Variants in RGS14 observed in about 807,000 individuals in gnomAD.
The protein encoded by RGS14 is regulator of G protein signaling 14.
RGS14 carries 33 observed loss-of-function variants against 63.8 expected under a neutral mutation model. That is an observed-to-expected ratio of 0.52 (90% confidence interval 0.39 to 0.69). The LOEUF (loss-of-function observed/expected upper bound fraction) is 0.69, where lower values mean the gene tolerates loss of function less well. Among genes scored for constraint, RGS14 ranks in the 30% least tolerant of loss-of-function variants. RGS14 has a pLI of 0.00. For missense variants in RGS14, 739 were observed against 742.9 expected (o/e 0.99, Z 0.06); for synonymous variants, 296 against 320.9 (o/e 0.92, Z 0.83).
chr5:177,366,435 G>T, intron 3 of RGS14, 80 bp downstream of exon 3: 1 of 1,301,088 alleles, frequency 7.7e-7, no homozygotes, highest in Non-Finnish European at 1.0e-6. Context: ...GGCCAGAGTG[G>T]GGTCCTCTGT....
chr5:177,372,061 GA>G lies in RGS14; in HGVS notation c.1688del (p.Asp563AlafsTer59), dbSNP rs763358647. 4 of 1,613,914 alleles carry G rather than the reference GA, an allele frequency of 2.5e-6. No individual in the cohort carries two copies. In the East Asian group the frequency reaches 8.9e-5, roughly 36 times the overall value. On this transcript the variant is annotated frameshift_variant, in exon 15 of 15. Coordinates refer to ENST00000408923, the MANE Select transcript of RGS14 (RefSeq NM_006480.5). LOFTEE classifies it high-confidence loss of function. ...CGGGGGATCCTTGAACTCCACCACC[GA>G]CTCAGCCCTCTGACAGCTACCCAAC... Reference protein sequence around the residue: ...PIGGSLNSTTDSAL With the variant: ...PIGGSLNSTTXSAL
intron 3 of RGS14, 37 bp downstream of exon 3, chr5:177,366,392 G>A (rs1412839792): frequency 6.7e-7 from 1 of 1,502,394 alleles, no homozygotes; most frequent in Non-Finnish European, 8.9e-7. Flanking sequence ...GGGGGACACG[G>A]GAGAGGGCAG....
At chr5:177,367,183 C>A in intron 5 of RGS14, 149 bp downstream of exon 5, 2 of 1,203,578 alleles carry the variant, frequency 1.7e-6, no homozygotes, top group Non-Finnish European at 1.1e-6. Flanking sequence ...CAGGGCGGAG[C>A]TCAGAGGGCG....
Position 177,367,832 on chromosome 5 carries a change from G to A in RGS14, c.739+7G>A. The A allele has an allele frequency of 6.4e-7, 1 of 1,570,406 alleles. No homozygotes were observed. The highest frequency in any genetic ancestry group is 8.6e-7 in the Non-Finnish European group (1 of 1,159,822). On this transcript the variant is annotated splice_region_variant and intron_variant, in intron 7 of 14. Transcript: ENST00000408923. ...CGCAAGTCCTTCCGCCGGGGTGAGG[G>A]CAGGAGCGAGCAACAGAGATGTGGG... is the stretch of plus-strand genomic sequence containing the variant.
At position 177,368,881 on chromosome 5, in the gene RGS14, T is replaced by G. The variant is rs2127334570; in HGVS notation, c.1014T>G (p.Ser338=). The change falls in exon 9 of 15, where the codon TCT becomes TCG. Residue 338 remains serine (S), a synonymous_variant. Coordinates refer to ENST00000408923, the MANE Select transcript of RGS14 (RefSeq NM_006480.5). ...GGATCTGTGAGAAACGAGGCCTCTCTCTACCTGACATCAAGGTCTACCTGG... is the reference window on the plus strand; with the variant it reads ...GGATCTGTGAGAAACGAGGCCTCTCGCTACCTGACATCAAGGTCTACCTGG... ...LAGICEKRGL[S]LPDIKVYLVG... 1 of 1,614,134 alleles carries G rather than the reference T, an allele frequency of 6.2e-7. No homozygotes were observed. The highest frequency in any genetic ancestry group is 2.2e-5 in the East Asian group (1 of 44,882).
In RGS14 at chr5:177,370,893, GGTTCCTCGCAGGCT is replaced by G; in HGVS notation, c.1128-10_1131del. The G allele has an allele frequency of 6.2e-7, 1 of 1,600,436 alleles. No individual in the cohort carries two copies. The highest frequency in any genetic ancestry group is 8.5e-7 in the Non-Finnish European group (1 of 1,178,394). ...GCCCTCCGGCCCTCTGCTGCCCGAG[GGTTCCTCGCAGGCT>G]GGAGCTGACGGCGCTGGAGCGCGTG... On this transcript the variant is annotated splice_acceptor_variant and splice_polypyrimidine_tract_variant and coding_sequence_variant and intron_variant, in exon 11 of 15. Transcript: ENST00000408923. LOFTEE classifies it high-confidence loss of function.
intron 1 of RGS14, among the ~76,000 whole-genome samples, chr5:177,361,222 G>A (rs1375922489): frequency 6.6e-6 from 1 of 152,220 alleles, no homozygotes; most frequent in Non-Finnish European, 1.5e-5. Context: ...TCCACAGGCT[G>A]GTTCAAGTTG....
chr5:177,366,554 C>A, intron 3 of RGS14, 154 bp from the exon 4 acceptor site: 1 of 826,462 alleles, frequency 1.2e-6, no homozygotes, highest in Non-Finnish European at 1.9e-6. Context: ...CTCTCCCTGT[C>A]TTCAGATCGG....
rs1201532680 is a variant in RGS14, at chr5:177,371,349, G to C, written c.1337-1G>C. 6.2e-7 allele frequency: 1 copy of C among 1,614,124 alleles called. No individual in the cohort carries two copies. On this transcript the variant is annotated splice_acceptor_variant, in intron 12 of 14. Transcript: ENST00000408923. LOFTEE classifies it high-confidence loss of function. The surrounding 1 kb of genome is among the most constrained non-coding windows in gnomAD (Gnocchi z 6.1). ...ACTAACTGTGGCCCTCTCTGCTGCA[G>C]GTGTGAAGATCTCCAAAGCCCGTGA...
chr5:177,370,642 C>G lies in RGS14; in HGVS notation c.1105C>G (p.Leu369Val). 1.2e-6 allele frequency: 2 copies of G among 1,614,094 alleles called. No individual in the cohort carries two copies. The highest frequency in any genetic ancestry group is 1.7e-6 in the Non-Finnish European group (2 of 1,179,992). The change falls in exon 10 of 15, where the codon CTG becomes GTG. Residue 369 changes from leucine (L) to valine (V), a missense_variant. By Grantham distance (32) the Leu-to-Val change is conservative (BLOSUM62 1). Transcript: ENST00000408923. ...CTVLADQEVR[L>V]ENRITFELEL... ...CGTGCTGGCGGATCAGGAAGTGCGG[C>G]TGGAAAACAGGATCACCTTCGAGTG...
At position 177,364,944 on chromosome 5, in the gene RGS14, C is replaced by G. The variant is rs1015660146; in HGVS notation, c.46-1019C>G. On this transcript the variant is annotated intron_variant, in intron 1 of 14. Transcript: ENST00000408923. The surrounding 1 kb of genome is among the most constrained non-coding windows in gnomAD (Gnocchi z 4.6). ...AGCCTCAGGCCCCATCTTGGACCTACTGAACCTGAATCTCCAGAGGTGGGG... is the reference window on the plus strand; with the variant it reads ...AGCCTCAGGCCCCATCTTGGACCTAGTGAACCTGAATCTCCAGAGGTGGGG... 6.6e-6 allele frequency among the ~76,000 whole-genome samples: 1 copy of G among 152,156 alleles called. No homozygotes were observed. The highest frequency in any genetic ancestry group is 1.5e-5 in the Non-Finnish European group (1 of 68,032).
Position 177,359,951 on chromosome 5 carries a change from C to T in RGS14, c.45+1882C>T, listed in dbSNP as rs541267135. 9.2e-4 allele frequency among the ~76,000 whole-genome samples: 140 copies of T among 152,306 alleles called. 1 individual carries two copies. Among genetic ancestry groups the T allele is most frequent in the African/African-American group, 3.0e-3 (124 of 41,546 alleles). On this transcript the variant is annotated intron_variant, in intron 1 of 14. Coordinates refer to ENST00000408923, the MANE Select transcript of RGS14 (RefSeq NM_006480.5). The surrounding 1 kb of genome is among the most constrained non-coding windows in gnomAD (Gnocchi z 4.4). ...AGCGTCAGCATCTGAACCCCCAGAACTGCCTGGCCCCAGTCCTCCCCTACC... is the reference window on the plus strand; with the variant it reads ...AGCGTCAGCATCTGAACCCCCAGAATTGCCTGGCCCCAGTCCTCCCCTACC...
chr5:177,358,015 C>A lies in RGS14; in HGVS notation c.-10C>A, dbSNP rs1402186345. 1.5e-6 allele frequency: 2 copies of A among 1,356,796 alleles called. No individual in the cohort carries two copies. The highest frequency in any genetic ancestry group is 9.6e-7 in the Non-Finnish European group (1 of 1,044,904). 84.0% of individuals were successfully genotyped at this position (1,356,796 alleles called of 1,614,324 possible). ...AGCCCCCGCGGCGGGGACCCCTGAT[C>A]GGCAGCGGCATGCCAGGGAAGCCCA... On this transcript the variant is annotated 5_prime_UTR_variant, in exon 1 of 15. Coordinates refer to ENST00000408923, the MANE Select transcript of RGS14 (RefSeq NM_006480.5). The surrounding 1 kb of genome is among the most constrained non-coding windows in gnomAD (Gnocchi z 4.8).
Position 177,364,010 on chromosome 5 carries a change from C to A in RGS14, c.46-1953C>A, listed in dbSNP as rs928636367. ...TCTTGCTTTTTAAATGTGGAAAATA[C>A]CTTTAAATAAAAATAATAATCATCA... is the stretch of plus-strand genomic sequence containing the variant. On this transcript the variant is annotated intron_variant, in intron 1 of 14. Coordinates refer to ENST00000408923, the MANE Select transcript of RGS14 (RefSeq NM_006480.5). The surrounding 1 kb of genome is among the most constrained non-coding windows in gnomAD (Gnocchi z 4.6). 2.0e-5 allele frequency among the ~76,000 whole-genome samples: 3 copies of A among 152,120 alleles called. No homozygotes were observed. Among genetic ancestry groups the A allele is most frequent in the Non-Finnish European group, 4.4e-5 (3 of 68,038 alleles).
intron 1 of RGS14, among the ~76,000 whole-genome samples, chr5:177,363,321 C>A (rs1045378669): frequency 6.8e-6 from 1 of 146,520 alleles, no homozygotes; most frequent in Admixed American, 6.8e-5. Context: ...GGGGCGGGGC[C>A]GGAGACGGGG....
chr5:177,361,991 G>A (rs1454827649), intron 1 of RGS14, among the ~76,000 whole-genome samples: 1 of 152,162 alleles, frequency 6.6e-6, no homozygotes, highest in Non-Finnish European at 1.5e-5. Context: ...AGCCCCTGCA[G>A]GGCCCCTGCA....
chr5:177,370,108 G>A (rs775302332), intron 9 of RGS14, among the ~76,000 whole-genome samples: 11 of 152,214 alleles, frequency 7.2e-5, no homozygotes, highest in African/African-American at 4.8e-5. Flanking sequence ...CCTTAGTAGC[G>A]GGGAATGGAG....
intron 9 of RGS14, among the ~76,000 whole-genome samples, chr5:177,369,328 T>G (rs1014014049): frequency 3.9e-5 from 6 of 152,176 alleles, no homozygotes; most frequent in African/African-American, 1.4e-4. Context: ...AGGTGCAAAC[T>G]AGCTTAAACT....
chr5:177,361,333 A>C (rs1761961982), intron 1 of RGS14, among the ~76,000 whole-genome samples: 1 of 152,132 alleles, frequency 6.6e-6, no homozygotes, highest in South Asian at 2.1e-4. Context: ...GAGGGTGCCC[A>C]GCATAGAAGA....
Sources: gnomAD v4.1 joint callset for allele counts (sites outside exome capture counted in the v4.1 genomes callset) on GRCh38, gnomAD v4.1.1 for gene constraint, Gnocchi (gnomAD v3.1) non-coding constraint, MANE v1.5 for transcripts, NCBI Gene and HGNC (gene_info 2026-07-23, HGNC 2026-07-21) for gene names.